GABRG3: variants seen among roughly 807,000 people sequenced by gnomAD.
GABRG3 encodes gamma-aminobutyric acid receptor subunit gamma-3.
Under a neutral mutation model 48.8 loss-of-function variants are expected in GABRG3, and 25 were observed. The observed-to-expected ratio is 0.51, with a 90% CI of 0.37 to 0.72. The LOEUF (loss-of-function observed/expected upper bound fraction) is 0.72, where lower values mean the gene tolerates loss of function less well. Among genes scored for constraint, GABRG3 ranks in the 30% least tolerant of loss-of-function variants. The pLI, the probability that GABRG3 is intolerant of heterozygous loss-of-function variation, is 0.00. For missense variants in GABRG3, 394 were observed against 577.9 expected, an observed-to-expected ratio of 0.68 and a Z score of 3.26; for synonymous variants, 227 against 217.6, an observed-to-expected ratio of 1.04 and a Z score of -0.38.
chr15:27,072,206 T>A (rs902315374), intron 3 of GABRG3, among the ~76,000 whole-genome samples: 1 of 152,172 alleles, frequency 6.6e-6, no homozygotes, highest in Admixed American at 6.5e-5. Flanking sequence ...AACTCAAGCC[T>A]GCAAGGAAAT....
intron 3 of GABRG3, among the ~76,000 whole-genome samples, chr15:27,093,103 C>G (rs1897218132): frequency 6.6e-6 from 1 of 152,130 alleles, no homozygotes; most frequent in African/African-American, 2.4e-5. Flanking sequence ...TGGGTGCTCA[C>G]TCAGAGAGTG....
In GABRG3 at chr15:27,509,187, T is replaced by C. The variant is rs923925002; in HGVS notation, c.713-10785T>C. 1.0e-3 allele frequency among the ~76,000 whole-genome samples: 152 copies of C among 152,314 alleles called. 2 individuals carry two copies. Among genetic ancestry groups the C allele is most frequent in the Non-Finnish European group, 1.2e-4 (8 of 68,022 alleles). On this transcript the variant is annotated intron_variant, in intron 6 of 9. Coordinates refer to ENST00000615808, the MANE Select transcript of GABRG3 (RefSeq NM_033223.5). Reference sequence around the variant, plus strand: ...TTTCTGAAGAGAAGTCTGCTGTGAATCTTATCCTTTTTGCTCCTCTGGTGA... The same window carrying C: ...TTTCTGAAGAGAAGTCTGCTGTGAACCTTATCCTTTTTGCTCCTCTGGTGA...
chr15:27,222,420 T>G (rs12324808), intron 3 of GABRG3, among the ~76,000 whole-genome samples: 3,900 of 152,334 alleles, frequency 0.026, 183 homozygotes, highest in African/African-American at 0.089. Context: ...ATATGATTCC[T>G]CTTGGACCTT....
chr15:27,016,367 A>G (rs1406364870), intron 2 of GABRG3, among the ~76,000 whole-genome samples: 1 of 151,066 alleles, frequency 6.6e-6, no homozygotes, highest in African/African-American at 2.4e-5. Flanking sequence ...GAGAGTTTTT[A>G]CCATATGTAA....
intron 3 of GABRG3, among the ~76,000 whole-genome samples, chr15:27,038,052 G>A (rs964012255): frequency 6.6e-6 from 1 of 152,276 alleles, no homozygotes; most frequent in African/African-American, 2.4e-5. Context: ...TAGCAAGGTC[G>A]AGAGCTGTCC....
intron 5 of GABRG3, among the ~76,000 whole-genome samples, chr15:27,441,555 C>T (rs1019923636): frequency 5.9e-5 from 9 of 152,220 alleles, no homozygotes; most frequent in African/African-American, 2.2e-4. Flanking sequence ...CTTCTCCTCT[C>T]CTGGCATCAC....
intron 5 of GABRG3, among the ~76,000 whole-genome samples, chr15:27,471,459 T>C (rs1018443720): frequency 3.3e-5 from 5 of 152,228 alleles, no homozygotes; most frequent in Admixed American, 2.0e-4. Context: ...CTCATAATCC[T>C]AAACTTGTGG....
At chr15:27,118,045 C>T (rs533646612) in intron 3 of GABRG3, among the ~76,000 whole-genome samples, 3 of 152,338 alleles carry the variant, frequency 2.0e-5, no homozygotes, top group African/African-American at 7.2e-5. Context: ...CTCTCACGAC[C>T]TCTTCTCTTA....
chr15:27,110,019 G>C (rs1897518144), intron 3 of GABRG3, among the ~76,000 whole-genome samples: 1 of 152,094 alleles, frequency 6.6e-6, no homozygotes, highest in African/African-American at 2.4e-5. Flanking sequence ...GGCTGTTCAT[G>C]TTTAAAATGA....
intron 6 of GABRG3, among the ~76,000 whole-genome samples, chr15:27,513,175 C>T (rs1890937814): frequency 6.6e-6 from 1 of 151,986 alleles, no homozygotes; most frequent in Admixed American, 6.5e-5. Flanking sequence ...CGGACAGGCG[C>T]AGTAGCTCAT....
At position 27,540,611 on chromosome 15, in the gene GABRG3, A is replaced by G. The variant is rs1891643562; in HGVS notation, c.*7730A>G. 2 of 152,212 alleles carry G rather than the reference A, an allele frequency of 1.3e-5. No homozygotes were observed. The allele number at this position is 152,212 out of a possible 1,614,324, so 9.4% of individuals were successfully genotyped here. ...CACTGTCCATCATTCTTGACATTTG[A>G]TATGTCTAATTTTGTGCTAGTGAAC... On this transcript the variant is annotated 3_prime_UTR_variant, in exon 10 of 10. Coordinates refer to ENST00000615808, the MANE Select transcript of GABRG3 (RefSeq NM_033223.5).
At chr15:27,502,188 A>C (rs1890657443) in intron 6 of GABRG3, among the ~76,000 whole-genome samples, 2 of 152,194 alleles carry the variant, frequency 1.3e-5, no homozygotes, top group Admixed American at 6.5e-5. Flanking sequence ...ATGTTAACTA[A>C]GTTTATTTTC....
At chr15:27,250,778 A>AG (rs1317465810) in intron 3 of GABRG3, among the ~76,000 whole-genome samples, 1 of 152,180 alleles carries the variant, frequency 6.6e-6, no homozygotes, top group African/African-American at 2.4e-5. Flanking sequence ...AATATCTCAC[A>AG]CATTTTCTTA....
intron 3 of GABRG3, among the ~76,000 whole-genome samples, chr15:27,028,121 A>G (rs1896016216): frequency 6.6e-6 from 1 of 152,206 alleles, no homozygotes; most frequent in South Asian, 2.1e-4. Flanking sequence ...GGGAATTTTC[A>G]TGTGGAAATC....
At chr15:27,090,009 C>T (rs117358018) in intron 3 of GABRG3, among the ~76,000 whole-genome samples, 374 of 152,272 alleles carry the variant, frequency 2.5e-3, no homozygotes, top group South Asian at 7.7e-3. Context: ...CTATGAACAT[C>T]GGTGTACAAG....
chr15:27,491,302 C>T (rs1294475494), intron 6 of GABRG3, among the ~76,000 whole-genome samples: 1 of 152,168 alleles, frequency 6.6e-6, no homozygotes, highest in Non-Finnish European at 1.5e-5. Flanking sequence ...CTTACTCTTC[C>T]CAGGGAAGAA....
At chr15:27,349,619 G>C (rs192621662) in intron 5 of GABRG3, among the ~76,000 whole-genome samples, 3 of 152,168 alleles carry the variant, frequency 2.0e-5, no homozygotes, top group Non-Finnish European at 4.4e-5. Context: ...GAACATGCTC[G>C]CCAAGCATCT....
intron 5 of GABRG3, among the ~76,000 whole-genome samples, chr15:27,448,076 C>G (rs893859456): frequency 6.6e-6 from 1 of 152,064 alleles, no homozygotes; most frequent in African/African-American, 2.4e-5. Context: ...GAGGAACTTA[C>G]ATTTGTTATT....
intron 5 of GABRG3, among the ~76,000 whole-genome samples, chr15:27,330,359 C>A (rs932144397): frequency 4.6e-5 from 7 of 152,204 alleles, no homozygotes; most frequent in Non-Finnish European, 1.0e-4. Context: ...TTTCCCTGAA[C>A]CTTCAAATGT....
Sources: gnomAD v4.1 joint callset for allele counts (sites outside exome capture counted in the v4.1 genomes callset) on GRCh38, gnomAD v4.1.1 for gene constraint, MANE v1.5 for transcripts, NCBI Gene and HGNC (gene_info 2026-07-23, HGNC 2026-07-21) for gene names.